Variants in USH2A observed in about 807,000 individuals in gnomAD.
USH2A encodes Usher syndrome 2A (autosomal recessive, mild).
USH2A carries 443 observed loss-of-function variants against 538.9 expected under a neutral mutation model. The ratio of observed to expected loss-of-function variants is 0.82; its 90% CI spans 0.76 to 0.89. USH2A has a LOEUF of 0.89. Among genes scored for constraint, USH2A ranks in the 40% least tolerant of loss-of-function variants. USH2A has a pLI of 0.00. For synonymous variants in USH2A, 2,413 were observed against 2,273.5 expected (o/e 1.06, Z -1.75); for missense variants, 6,633 against 6,324.8 (o/e 1.05, Z -1.65).
chr1:216,109,089 A>G (rs183352913), intron 21 of USH2A, among the ~76,000 whole-genome samples: 303 of 152,248 alleles, frequency 2.0e-3, no homozygotes, highest in African/African-American at 5.5e-3. Context: ...GGCTGGGACT[A>G]TAAATATTTT....
chr1:216,250,104 A>G (rs1011917041), intron 12 of USH2A, among the ~76,000 whole-genome samples: 4 of 152,126 alleles, frequency 2.6e-5, no homozygotes, highest in African/African-American at 9.7e-5. Flanking sequence ...TCATATATCA[A>G]AATTTCAAAG....
chr1:216,391,063 C>G (rs2039098169), intron 3 of USH2A, among the ~76,000 whole-genome samples: 1 of 152,186 alleles, frequency 6.6e-6, no homozygotes, highest in South Asian at 2.1e-4. Context: ...GACATCAACT[C>G]TAAGCTCACT....
chr1:215,983,099 T>C (rs1357715454), intron 35 of USH2A, among the ~76,000 whole-genome samples: 1 of 152,088 alleles, frequency 6.6e-6, no homozygotes, highest in African/African-American at 2.4e-5. Flanking sequence ...TACAGGCACC[T>C]GCCACCATGC....
chr1:216,023,144 G>A (rs1668878170), intron 32 of USH2A, among the ~76,000 whole-genome samples: 1 of 151,778 alleles, frequency 6.6e-6, no homozygotes, highest in Non-Finnish European at 1.5e-5. Flanking sequence ...CAGATTAATG[G>A]GATCTAGGAA....
At chr1:215,723,782 C>T (rs1659729378) in intron 61 of USH2A, among the ~76,000 whole-genome samples, 1 of 152,108 alleles carries the variant, frequency 6.6e-6, no homozygotes, top group African/African-American at 2.4e-5. Flanking sequence ...ATTAGATAAA[C>T]AGTAAGTAGA....
intron 9 of USH2A, among the ~76,000 whole-genome samples, chr1:216,321,232 A>G (rs748068235): frequency 2.3e-4 from 35 of 152,268 alleles, no homozygotes; most frequent in Non-Finnish European, 4.3e-4. Context: ...CGTCTTTCAT[A>G]TCAGCTATTT....
At chr1:215,630,591 G>A (rs193302357) in intron 70 of USH2A, among the ~76,000 whole-genome samples, 66 of 148,246 alleles carry the variant, frequency 4.5e-4, no homozygotes, top group Non-Finnish European at 1.2e-4. Context: ...GGTGGCTCAT[G>A]CCTGTAATCC....
intron 11 of USH2A, among the ~76,000 whole-genome samples, chr1:216,278,736 A>G (rs1031289856): frequency 1.1e-4 from 16 of 152,172 alleles, no homozygotes; most frequent in Admixed American, 8.5e-4. Flanking sequence ...ACACTTTAAT[A>G]TTTGAGTCAT....
intron 47 of USH2A, among the ~76,000 whole-genome samples, chr1:215,836,310 C>T (rs1005067806): frequency 5.4e-5 from 8 of 149,166 alleles, no homozygotes; most frequent in African/African-American, 2.0e-4. Context: ...TGTTCTTGCA[C>T]ATCTAAACCT....
At position 216,408,688 on chromosome 1, in the gene USH2A, G is replaced by C. The variant is rs547393588; in HGVS notation, c.651+9826C>G. ...AAAAGAGGGACTTTATGGCTTCTTGGCATAGCCAAATTGCCAGCATTACTA... is the reference window on the plus strand; with the variant it reads ...AAAAGAGGGACTTTATGGCTTCTTGCCATAGCCAAATTGCCAGCATTACTA... On this transcript the variant is annotated intron_variant, in intron 3 of 71. Transcript: ENST00000307340. Among the ~76,000 whole-genome samples the C allele has an allele frequency of 1.6e-4, 25 of 152,208 alleles. No individual in the cohort carries two copies. The Middle Eastern group carries it at 0.017, about 104-fold the overall frequency.
intron 21 of USH2A, among the ~76,000 whole-genome samples, chr1:216,171,830 T>C (rs959232931): frequency 4.6e-5 from 7 of 152,152 alleles, no homozygotes; most frequent in Admixed American, 4.6e-4. Flanking sequence ...GATTTGAAAG[T>C]AATTTATCAG....
chr1:216,071,427 AT>A (rs951682834), intron 29 of USH2A, among the ~76,000 whole-genome samples: 2 of 152,172 alleles, frequency 1.3e-5, no homozygotes, highest in African/African-American at 4.8e-5. Flanking sequence ...TAGTTCGGAA[AT>A]GTGGTACAGG....
chr1:216,416,662 G>GAGTGCCTACTGAA (rs2039582117), intron 3 of USH2A, among the ~76,000 whole-genome samples: 1 of 152,122 alleles, frequency 6.6e-6, no homozygotes, highest in Non-Finnish European at 1.5e-5. Flanking sequence ...GCTGATTTCA[G>GAGTGCCTACTGAA]TAGGCACTCT....
chr1:215,652,507 A>G (rs1409117280), intron 64 of USH2A, among the ~76,000 whole-genome samples: 1 of 152,146 alleles, frequency 6.6e-6, no homozygotes, highest in Non-Finnish European at 1.5e-5. Flanking sequence ...GCAATGGGAG[A>G]GCCAGATTTC....
intron 21 of USH2A, among the ~76,000 whole-genome samples, chr1:216,107,932 C>T (rs1438096491): frequency 6.6e-6 from 1 of 151,782 alleles, no homozygotes; most frequent in East Asian, 1.9e-4. Flanking sequence ...TTACCATTGT[C>T]CAATTATTTG....
At chr1:216,094,402 C>T (rs1021910292) in intron 22 of USH2A, among the ~76,000 whole-genome samples, 1 of 152,106 alleles carries the variant, frequency 6.6e-6, no homozygotes, top group African/African-American at 2.4e-5. Flanking sequence ...ATCTTCAGAA[C>T]TTTTAATTCA....
intron 21 of USH2A, among the ~76,000 whole-genome samples, chr1:216,153,530 G>C (rs1275070522): frequency 6.6e-6 from 1 of 152,228 alleles, no homozygotes; most frequent in Non-Finnish European, 1.5e-5. Context: ...TCCAGTGTTA[G>C]TAGATGCCAA....
At chr1:216,085,198 T>C in intron 24 of USH2A, 2 of 296,948 alleles carry the variant, frequency 6.7e-6, no homozygotes, top group Non-Finnish European at 6.4e-6. Flanking sequence ...AATAAAGTAC[T>C]ATAATTTTAA....
At chr1:216,351,787 G>A (rs1193263167) in intron 4 of USH2A, among the ~76,000 whole-genome samples, 1 of 151,754 alleles carries the variant, frequency 6.6e-6, no homozygotes, top group African/African-American at 2.4e-5. Context: ...TGCTAAGAAG[G>A]ATTCAAAATC....
Sources: allele counts gnomAD v4.1 joint callset (sites outside exome capture counted in the v4.1 genomes callset), GRCh38; gene constraint gnomAD v4.1.1; transcripts MANE v1.5; gene names NCBI Gene and HGNC (gene_info 2026-07-23, HGNC 2026-07-21).